The following CASD1 variants were observed in gnomAD, a reference collection of about 807,000 sequenced individuals.
CASD1 encodes the protein N-acetylneuraminate (7)9-O-acetyltransferase.
In CASD1, 41 loss-of-function variants were observed where a neutral mutation model predicts 100.0. The ratio of observed to expected loss-of-function variants is 0.41; its 90% confidence interval spans 0.32 to 0.53. The LOEUF (loss-of-function observed/expected upper bound fraction) is 0.53, where lower values mean the gene tolerates loss of function less well. Among genes scored for constraint, CASD1 ranks in the 20% least tolerant of loss-of-function variants. CASD1 has a pLI of 0.25. For missense variants in CASD1, 774 were observed against 948.7 expected, an observed-to-expected ratio of 0.82 and a Z score of 2.42; for synonymous variants, 321 against 315.6, an observed-to-expected ratio of 1.02 and a Z score of -0.18.
At chr7:94,536,949 G>T (rs1337361210) in intron 8 of CASD1, among the ~76,000 whole-genome samples, 2 of 152,110 alleles carry the variant, frequency 1.3e-5, no homozygotes, top group African/African-American at 4.8e-5. Flanking sequence ...AATATTGCTA[G>T]CTAAAAATTA....
the CASD1 span, among the ~76,000 whole-genome samples, chr7:94,572,281 C>T: frequency 3.9e-5 from 6 of 152,110 alleles, no homozygotes; most frequent in African/African-American, 1.4e-4. Context: ...CATATTCCAG[C>T]TTTCTTTTGG....
At chr7:94,553,476 T>G (rs868278615) in intron 16 of CASD1, among the ~76,000 whole-genome samples, 1 of 152,198 alleles carries the variant, frequency 6.6e-6, no homozygotes, top group Admixed American at 6.5e-5. Context: ...CTCCTTCATC[T>G]TTTATGCATC....
At chr7:94,608,358 G>C in the CASD1 span, among the ~76,000 whole-genome samples, 3 of 151,988 alleles carry the variant, frequency 2.0e-5, no homozygotes, top group African/African-American at 7.2e-5. Flanking sequence ...ATAAATATAA[G>C]TCTAATAAAA....
chr7:94,599,656 G>GA, the CASD1 span: 3 of 1,574,492 alleles, frequency 1.9e-6, no homozygotes, highest in African/African-American at 4.0e-5. Context: ...TGAGAGGTGG[G>GA]AAAAAATGAT....
the CASD1 span, chr7:94,599,535 C>T: frequency 1.4e-4 from 88 of 616,182 alleles, no homozygotes; most frequent in South Asian, 4.1e-4. Context: ...TAGTTTCTAC[C>T]CCTCCTAAAT....
At chr7:94,602,358 C>A in the CASD1 span, among the ~76,000 whole-genome samples, 1 of 152,096 alleles carries the variant, frequency 6.6e-6, no homozygotes, top group Non-Finnish European at 1.5e-5. Context: ...AGGCAAAAGG[C>A]CACAAGGAGT....
chr7:94,554,526 G>T lies in CASD1; in HGVS notation c.2078G>T (p.Arg693Leu). 6.2e-7 allele frequency: 1 copy of T among 1,611,700 alleles called. No individual in the cohort carries two copies. Among genetic ancestry groups the T allele is most frequent in the Non-Finnish European group, 8.5e-7 (1 of 1,178,582 alleles). ...ATAAGAAACATCCCTGGATATGCCC[G>T]TTCAGTTTACAGTTCATTTTTTGCT... Reference protein sequence around the residue: ...ILIRNIPGYARSVYSSFFAWF... With the variant: ...ILIRNIPGYALSVYSSFFAWF... The change falls in exon 17 of 18, where the codon CGT becomes CTT. Residue 693 changes from arginine (R) to leucine (L), a missense_variant. Transcript: ENST00000297273.
At chr7:94,537,441 A>G (rs1378587441) in intron 8 of CASD1, 31 bp from the exon 9 acceptor site, 2 of 1,562,498 alleles carry the variant, frequency 1.3e-6, no homozygotes, top group Non-Finnish European at 8.7e-7. Flanking sequence ...CACTGACAAG[A>G]TAATAACCAA....
At chr7:94,601,599 T>C in the CASD1 span, among the ~76,000 whole-genome samples, 1 of 152,088 alleles carries the variant, frequency 6.6e-6, no homozygotes, top group Non-Finnish European at 1.5e-5. Context: ...TGAAATTTGC[T>C]ACTACATTTG....
the CASD1 span, chr7:94,599,899 C>T: frequency 2.3e-5 from 12 of 511,958 alleles, no homozygotes; most frequent in East Asian, 3.0e-4. Flanking sequence ...ACACATACAG[C>T]GATGGAATAC....
chr7:94,623,747 AC>A, the CASD1 span: 1 of 396,052 alleles, frequency 2.5e-6, no homozygotes, highest in South Asian at 1.3e-4. Flanking sequence ...CAAAAAAAAA[AC>A]AATAATTTTT....
At chr7:94,600,615 C>G in the CASD1 span, 1 of 1,487,776 alleles carries the variant, frequency 6.7e-7, no homozygotes. Context: ...AGCAGGATCT[C>G]TAATTATCTT....
At chr7:94,560,454 A>G (rs1796321902), downstream of CASD1, among the ~76,000 whole-genome samples, 1 of 152,196 alleles carries the variant, frequency 6.6e-6, no homozygotes, top group African/African-American at 2.4e-5. Flanking sequence ...GGCACATGGA[A>G]CTGGAGCCCT....
At chr7:94,611,357 G>C in the CASD1 span, among the ~76,000 whole-genome samples, 5 of 152,002 alleles carry the variant, frequency 3.3e-5, no homozygotes, top group African/African-American at 1.2e-4. Context: ...GATGAAACTT[G>C]AAAATGTTAT....
downstream of CASD1, among the ~76,000 whole-genome samples, chr7:94,561,620 A>G (rs1312172005): frequency 6.6e-6 from 1 of 152,012 alleles, no homozygotes; most frequent in African/African-American, 2.4e-5. Flanking sequence ...TTTCCTAAAG[A>G]GAACCTCGGT....
Position 94,531,637 on chromosome 7 carries a change from A to C in CASD1, c.460-1568A>C, listed in dbSNP as rs138429422. On this transcript the variant is annotated intron_variant, in intron 5 of 17. Transcript: ENST00000297273. Reference sequence around the variant, plus strand: ...AGCATGCTCAACTGGAAATGGTCATATATCTAAAAGAAAATGGATTTATTT... The same window carrying C: ...AGCATGCTCAACTGGAAATGGTCATCTATCTAAAAGAAAATGGATTTATTT... Among the ~76,000 whole-genome samples the C allele has an allele frequency of 2.3e-3, 348 of 152,312 alleles. 2 individuals carry two copies. The highest frequency in any genetic ancestry group is 7.6e-3 in the African/African-American group (317 of 41,580).
chr7:94,539,119 A>G, intron 10 of CASD1, 63 bp downstream of exon 10: 3 of 926,614 alleles, frequency 3.2e-6, no homozygotes, highest in Non-Finnish European at 1.7e-6. Flanking sequence ...TGTTTCTTTA[A>G]GGGCACCAGC....
intron 7 of CASD1, 92 bp from the exon 8 acceptor site, chr7:94,535,217 A>G (rs866658277): frequency 4.5e-6 from 4 of 895,594 alleles, no homozygotes; most frequent in Middle Eastern, 3.5e-4. Context: ...TAAAAATAAC[A>G]TATGAAATGT....
chr7:94,543,633 C>T (rs962431760), intron 10 of CASD1, among the ~76,000 whole-genome samples: 4 of 145,094 alleles, frequency 2.8e-5, no homozygotes, highest in East Asian at 2.1e-4. Flanking sequence ...CCAGCCTGGG[C>T]GACAGAGTGA....
Sources: gnomAD v4.1 joint callset for allele counts (sites outside exome capture counted in the v4.1 genomes callset) on GRCh38, gnomAD v4.1.1 for gene constraint, MANE v1.5 for transcripts, NCBI Gene and HGNC (gene_info 2026-07-23, HGNC 2026-07-21) for gene names.